The following TTC33 variants were observed in gnomAD, a reference collection of about 807,000 sequenced individuals.
TTC33 encodes the protein tetratricopeptide repeat domain 33, also known as tetratricopeptide repeat protein 33.
In TTC33, 24 loss-of-function variants were observed where a neutral mutation model predicts 29.4. The observed-to-expected ratio is 0.82, with a 90% CI of 0.59 to 1.15. The LOEUF (loss-of-function observed/expected upper bound fraction) is 1.15. Ranked by LOEUF, TTC33 falls within the 50% of genes most tolerant of loss-of-function variation. TTC33 has a pLI of 0.00. For synonymous variants in TTC33, 107 were observed against 100.3 expected (o/e 1.07, Z -0.40); for missense variants, 286 against 310.4 (o/e 0.92, Z 0.59).
intron 1 of TTC33, among the ~76,000 whole-genome samples, chr5:40,751,629 G>C (rs900401969): frequency 1.5e-4 from 23 of 152,158 alleles, no homozygotes; most frequent in Non-Finnish European, 8.8e-5. Context: ...GTCCTGGAGA[G>C]TATCTTCTTC....
At chr5:40,728,239 G>A (rs1289694464) in intron 4 of TTC33, 106 bp downstream of exon 4, 6 of 879,026 alleles carry the variant, frequency 6.8e-6, no homozygotes, top group Admixed American at 4.2e-5. Flanking sequence ...AGCTGAGATT[G>A]CACCACTGCA....
chr5:40,741,906 T>C (rs992462250), intron 2 of TTC33, among the ~76,000 whole-genome samples: 5 of 152,050 alleles, frequency 3.3e-5, no homozygotes, highest in African/African-American at 1.2e-4. Flanking sequence ...GGAGAACCGC[T>C]TGAGCCTGGG....
intron 4 of TTC33, among the ~76,000 whole-genome samples, chr5:40,725,004 G>A (rs1006616033): frequency 1.3e-5 from 2 of 151,872 alleles, no homozygotes; most frequent in Non-Finnish European, 2.9e-5. Flanking sequence ...ACACCACCAT[G>A]CCTGGCTAAT....
chr5:40,717,929 G>C lies in TTC33; in HGVS notation c.436-1431C>G, dbSNP rs10042750. 4.6e-5 allele frequency among the ~76,000 whole-genome samples: 7 copies of C among 151,890 alleles called. No homozygotes were observed. The East Asian group carries it at 1.4e-3, about 30-fold the overall frequency. On this transcript the variant is annotated intron_variant, in intron 4 of 4. Coordinates refer to ENST00000337702, the MANE Select transcript of TTC33 (RefSeq NM_012382.3). ...TACAAAAAATTAGCCAGGTGTGGTG[G>C]TGCACGCCTGTAATCCCAGCTACTC...
At chr5:40,726,398 G>A (rs1742287827) in intron 4 of TTC33, among the ~76,000 whole-genome samples, 1 of 151,300 alleles carries the variant, frequency 6.6e-6, no homozygotes, top group Non-Finnish European at 1.5e-5. Flanking sequence ...TTAGATATTA[G>A]AAATTCTAGC....
chr5:40,751,961 G>GAA (rs61319403), intron 1 of TTC33, among the ~76,000 whole-genome samples: 2 of 126,916 alleles, frequency 1.6e-5, no homozygotes, highest in Non-Finnish European at 3.4e-5. Flanking sequence ...CGTCTCAAAA[G>GAA]AAAAAAAAAA....
At position 40,755,836 on chromosome 5, in the gene TTC33, G is replaced by C. The variant is rs1417822068; in HGVS notation, c.-14C>G. 4 of 152,540 alleles carry C rather than the reference G, an allele frequency of 2.6e-5. No individual in the cohort carries two copies. 9.4% of individuals were successfully genotyped at this position (152,540 alleles called of 1,614,324 possible). A position where few individuals can be genotyped will look rare whatever the true frequency, so the allele number is the denominator to read the frequency against. On this transcript the variant is annotated 5_prime_UTR_variant, in exon 1 of 5. In the 5' UTR this introduces an upstream ATG that the reference lacks. Coordinates refer to ENST00000337702, the MANE Select transcript of TTC33 (RefSeq NM_012382.3). ...CCCAAATTCCTACCTGCCTTCCCTG[G>C]ATTCCTGGTTTCCTAAGAAACGGGT...
In TTC33 at chr5:40,728,353, T is replaced by C; in HGVS notation, c.427A>G (p.Ile143Val). 2 of 1,592,786 alleles carry C rather than the reference T, an allele frequency of 1.3e-6. No individual in the cohort carries two copies. The highest frequency in any genetic ancestry group is 1.7e-6 in the Non-Finnish European group (2 of 1,171,938). ...LGRAQLGLGE[I>V]ILAIRSFQVA... is the part of the protein sequence containing the mutation. The stretch of plus-strand genomic sequence containing the variant: ...TAATCTGACTTCCTCACCAGGATTA[T>C]CTCTCCTAAACCAAGTTGAGCACGT... Residue 143 changes from isoleucine (I) to valine (V), a missense_variant, in exon 4 of 5, where the codon ATA becomes GTA. Transcript: ENST00000337702.
chr5:40,733,181 A>C (rs948778365), intron 2 of TTC33, among the ~76,000 whole-genome samples: 1 of 152,206 alleles, frequency 6.6e-6, no homozygotes, highest in Non-Finnish European at 1.5e-5. Flanking sequence ...AAACAAAAAC[A>C]TGAGAATTCT....
Position 40,745,657 on chromosome 5 carries a change from G to A in TTC33, c.221+1141C>T, listed in dbSNP as rs549418677. 4.1e-3 allele frequency among the ~76,000 whole-genome samples: 626 copies of A among 151,512 alleles called. 3 individuals are homozygous for A. Among genetic ancestry groups the A allele is most frequent in the African/African-American group, 0.015 (601 of 41,270 alleles). The stretch of plus-strand genomic sequence containing the variant: ...TCCTGCCTCGGCCTCTCAAAGCACA[G>A]AAATTACAGACACAAGCCACCACAC... On this transcript the variant is annotated intron_variant, in intron 2 of 4. Coordinates refer to ENST00000337702, the MANE Select transcript of TTC33 (RefSeq NM_012382.3).
chr5:40,752,550 C>A (rs1267784804), intron 1 of TTC33, among the ~76,000 whole-genome samples: 1 of 152,072 alleles, frequency 6.6e-6, no homozygotes, highest in Non-Finnish European at 1.5e-5. Flanking sequence ...AATAGGGAGA[C>A]CCAAGGAGAA....
chr5:40,722,704 G>C (rs1237062328), intron 4 of TTC33, among the ~76,000 whole-genome samples: 1 of 151,618 alleles, frequency 6.6e-6, no homozygotes, highest in African/African-American at 2.4e-5. Flanking sequence ...GAGCGTCTCC[G>C]CCCGGCCAGC....
At chr5:40,750,608 T>G (rs1298681635) in intron 1 of TTC33, among the ~76,000 whole-genome samples, 2 of 152,104 alleles carry the variant, frequency 1.3e-5, no homozygotes, top group East Asian at 3.8e-4. Context: ...CATCGACTGA[T>G]TCTCCCTTTC....
intron 2 of TTC33, among the ~76,000 whole-genome samples, chr5:40,746,172 C>G (rs1434095484): frequency 1.3e-5 from 2 of 151,000 alleles, no homozygotes; most frequent in Non-Finnish European, 2.9e-5. Flanking sequence ...GATTTTTGGT[C>G]CTTCTTAAAA....
intron 1 of TTC33, among the ~76,000 whole-genome samples, chr5:40,755,202 C>A (rs1171571585): frequency 1.3e-5 from 2 of 152,182 alleles, no homozygotes; most frequent in African/African-American, 4.8e-5. Context: ...TTTACCCAGC[C>A]GCCAGAGAGG....
In TTC33 at chr5:40,744,487, GTT is replaced by G. The variant is rs375739587; in HGVS notation, c.221+2309_221+2310del. On this transcript the variant is annotated intron_variant, in intron 2 of 4. Coordinates refer to ENST00000337702, the MANE Select transcript of TTC33 (RefSeq NM_012382.3). ...AGAAATCTTATCACCACTCTTACCA[GTT>G]TTTTTTTTTTTTTTTTAAGGAACAA... 2.2e-5 allele frequency among the ~76,000 whole-genome samples: 3 copies of G among 136,408 alleles called. No individual in the cohort carries two copies. The Admixed American group carries it at 2.2e-4, about 10-fold the overall frequency. 89.5% of individuals were successfully genotyped at this position (136,408 alleles called of 152,430 possible). A position where few individuals can be genotyped will look rare whatever the true frequency, so the allele number is the denominator to read the frequency against.
At chr5:40,723,883 A>C (rs1482657945) in intron 4 of TTC33, among the ~76,000 whole-genome samples, 1 of 152,182 alleles carries the variant, frequency 6.6e-6, no homozygotes, top group Non-Finnish European at 1.5e-5. Context: ...ACAAACAAAC[A>C]AAAAGGCAAG....
chr5:40,711,923 G>A lies in TTC33; in HGVS notation c.*4222C>T, dbSNP rs188275272. On this transcript the variant is annotated 3_prime_UTR_variant, in exon 5 of 5. Transcript: ENST00000337702. ...TAGGGATGGCTGTTCAGGTGGAGGG[G>A]AACCAACTGCAAAAGGGCTTTAGAG... Among the ~76,000 whole-genome samples the A allele has an allele frequency of 2.6e-4, 40 of 152,240 alleles. No individual in the cohort carries two copies. Among genetic ancestry groups the A allele is most frequent in the Admixed American group, 9.2e-4 (14 of 15,278 alleles).
intron 2 of TTC33, among the ~76,000 whole-genome samples, chr5:40,738,748 T>C (rs745385960): frequency 1.3e-5 from 2 of 152,142 alleles, no homozygotes; most frequent in Non-Finnish European, 2.9e-5. Flanking sequence ...TTCTAGTAAC[T>C]AGGTAATAGT....
Sources: allele counts gnomAD v4.1 joint callset (sites outside exome capture counted in the v4.1 genomes callset), GRCh38; gene constraint gnomAD v4.1.1; transcripts MANE v1.5; gene names NCBI Gene and HGNC (gene_info 2026-07-23, HGNC 2026-07-21).